Variants in PRKG1 observed in about 807,000 individuals in gnomAD.
PRKG1 encodes the protein protein kinase cGMP-dependent 1, also known as cGMP-dependent protein kinase 1.
Under a neutral mutation model 88.1 loss-of-function variants are expected in PRKG1, and 35 were observed. That is an observed-to-expected ratio of 0.40 (90% CI 0.30 to 0.53). PRKG1 has a LOEUF of 0.53. PRKG1 is among the 20% of genes least tolerant of loss of function. PRKG1 has a pLI of 0.59. For missense variants in PRKG1, 540 were observed against 839.8 expected (o/e 0.64, Z 4.41); for synonymous variants, 303 against 292.5 (o/e 1.04, Z -0.37).
intron 1 of PRKG1, among the ~76,000 whole-genome samples, chr10:51,061,432 C>A (rs1047392282): frequency 1.3e-5 from 2 of 152,174 alleles, no homozygotes; most frequent in Non-Finnish European, 2.9e-5. Flanking sequence ...GGTGGGAACT[C>A]AGCCAAACCA....
At chr10:51,430,325 G>C (rs532375023) in intron 2 of PRKG1, among the ~76,000 whole-genome samples, 1 of 152,242 alleles carries the variant, frequency 6.6e-6, no homozygotes, top group East Asian at 1.9e-4. Context: ...AGAGGCAGAG[G>C]TGGGAGGATT....
chr10:51,435,694 G>A (rs1425574999), intron 2 of PRKG1, among the ~76,000 whole-genome samples: 1 of 151,922 alleles, frequency 6.6e-6, no homozygotes, highest in East Asian at 1.9e-4. Context: ...ATGCTGTGCT[G>A]GGAGGTGGGA....
At chr10:51,955,311 T>C (rs938929369) in intron 5 of PRKG1, among the ~76,000 whole-genome samples, 10 of 152,092 alleles carry the variant, frequency 6.6e-5, no homozygotes, top group Non-Finnish European at 1.5e-4. Flanking sequence ...GTTAAGGTAC[T>C]ATAGGTTAAG....
At chr10:51,382,938 G>T (rs1837147942) in intron 2 of PRKG1, among the ~76,000 whole-genome samples, 1 of 152,076 alleles carries the variant, frequency 6.6e-6, no homozygotes, top group African/African-American at 2.4e-5. Context: ...GTAGGCTTAG[G>T]TAAATTTGTG....
At position 51,533,143 on chromosome 10, in the gene PRKG1, C is replaced by T. The variant is rs73339939; in HGVS notation, c.592+65307C>T. 5.2e-3 allele frequency among the ~76,000 whole-genome samples: 790 copies of T among 152,230 alleles called. 11 individuals are homozygous for T. Among genetic ancestry groups the T allele is most frequent in the African/African-American group, 0.018 (756 of 41,540 alleles). ...TACTTGAGTTAGCCTCAGTGGATTT[C>T]TATTTCTTGCAATGGAAAGTTAATC... On this transcript the variant is annotated intron_variant, in intron 3 of 17. Coordinates refer to ENST00000373980, the MANE Select transcript of PRKG1 (RefSeq NM_006258.4).
At chr10:51,128,945 C>T (rs1251722188) in intron 1 of PRKG1, among the ~76,000 whole-genome samples, 2 of 152,232 alleles carry the variant, frequency 1.3e-5, no homozygotes, top group Non-Finnish European at 2.9e-5. Flanking sequence ...TTTTTAGTTA[C>T]TTGTAATGAT....
Position 51,199,459 on chromosome 10 carries a change from CAG to C in PRKG1, c.478+46132_478+46133del, listed in dbSNP as rs145415966. On this transcript the variant is annotated intron_variant, in intron 2 of 17. Coordinates refer to ENST00000373980, the MANE Select transcript of PRKG1 (RefSeq NM_006258.4). ...ATTCAGATCCAGACTCTAGAAAATT[CAG>C]AGTCTGGAAAAGGAGACATGTATGA... Among the ~76,000 whole-genome samples the C allele has an allele frequency of 7.9e-5, 12 of 152,266 alleles. No individual in the cohort carries two copies. In the East Asian group the frequency reaches 2.1e-3, roughly 27 times the overall value.
chr10:51,944,713 T>C (rs932771730), intron 5 of PRKG1, among the ~76,000 whole-genome samples: 1 of 152,016 alleles, frequency 6.6e-6, no homozygotes, highest in Non-Finnish European at 1.5e-5. Context: ...TCGTTTTGTA[T>C]CCAGCAGTCA....
chr10:51,585,884 C>T (rs930737668), intron 3 of PRKG1, among the ~76,000 whole-genome samples: 15 of 152,132 alleles, frequency 9.9e-5, no homozygotes, highest in Middle Eastern at 3.4e-3. Flanking sequence ...AACCAAATAC[C>T]GCATGTTTTC....
In PRKG1 at chr10:51,247,364, C is replaced by T. The variant is rs1839318049; in HGVS notation, c.478+94034C>T. On this transcript the variant is annotated intron_variant, in intron 2 of 17. Transcript: ENST00000373980. ...AATTGTGCATCTGAAACTTAGATATCTATTTAAATCAGAAAATAAAGGAGA... is the reference window on the plus strand; with the variant it reads ...AATTGTGCATCTGAAACTTAGATATTTATTTAAATCAGAAAATAAAGGAGA... Among the ~76,000 whole-genome samples, 12 of 152,020 alleles carry T rather than the reference C, an allele frequency of 7.9e-5. No homozygotes were observed. The South Asian group carries it at 2.5e-3, about 32-fold the overall frequency.
rs1459909784 is a variant in PRKG1 at position 52,294,376 on chromosome 10, T to C, written c.*476T>C. The C allele has an allele frequency of 6.5e-6, 1 of 152,726 alleles. No individual in the cohort carries two copies. The highest frequency in any genetic ancestry group is 1.9e-4 in the East Asian group (1 of 5,210). 9.5% of individuals were successfully genotyped at this position (152,726 alleles called of 1,614,324 possible). Reference sequence around the variant, plus strand: ...ATCTATTACTGCAGGCCGGTGTATATACCATACAAAAGAGGACCACACATC... The same window carrying C: ...ATCTATTACTGCAGGCCGGTGTATACACCATACAAAAGAGGACCACACATC... On this transcript the variant is annotated 3_prime_UTR_variant, in exon 18 of 18. Transcript: ENST00000373980.
At chr10:51,276,124 C>A (rs575981341) in intron 2 of PRKG1, among the ~76,000 whole-genome samples, 5 of 152,172 alleles carry the variant, frequency 3.3e-5, no homozygotes, top group African/African-American at 9.6e-5. Flanking sequence ...CTCCCCCAAC[C>A]CCACGACAGG....
chr10:52,185,421 T>C (rs958998914), intron 9 of PRKG1, among the ~76,000 whole-genome samples: 1 of 152,144 alleles, frequency 6.6e-6, no homozygotes, highest in Non-Finnish European at 1.5e-5. Flanking sequence ...CCCTGTGGCT[T>C]TGCAGGGTGT....
intron 7 of PRKG1, among the ~76,000 whole-genome samples, chr10:52,101,661 T>C (rs565913429): frequency 3.9e-5 from 6 of 152,192 alleles, no homozygotes; most frequent in Non-Finnish European, 8.8e-5. Context: ...ATGAGGTAGA[T>C]GGTTATTTTA....
At chr10:51,188,341 C>A (rs1012214705) in intron 2 of PRKG1, among the ~76,000 whole-genome samples, 1 of 151,918 alleles carries the variant, frequency 6.6e-6, no homozygotes, top group Non-Finnish European at 1.5e-5. Context: ...TCTTGACAAA[C>A]AACTATATAC....
intron 2 of PRKG1, among the ~76,000 whole-genome samples, chr10:51,220,159 T>G (rs996005359): frequency 6.6e-6 from 1 of 152,068 alleles, no homozygotes; most frequent in Non-Finnish European, 1.5e-5. Context: ...TAAACAACCT[T>G]ACAGAGTTTG....
intron 1 of PRKG1, among the ~76,000 whole-genome samples, chr10:51,133,872 G>A (rs761562743): frequency 2.6e-5 from 4 of 152,094 alleles, no homozygotes; most frequent in African/African-American, 9.7e-5. Context: ...AATGGGAGAG[G>A]TGCCAGTACA....
In PRKG1 at chr10:52,211,624, T is replaced by G. The variant is rs1350880712; in HGVS notation, c.1077-39946T>G. 4.6e-5 allele frequency among the ~76,000 whole-genome samples: 7 copies of G among 151,712 alleles called. No homozygotes were observed. The East Asian group carries it at 1.4e-3, about 29-fold the overall frequency. On this transcript the variant is annotated intron_variant, in intron 9 of 17. Coordinates refer to ENST00000373980, the MANE Select transcript of PRKG1 (RefSeq NM_006258.4). ...AGAGAGACAGTTCTACTGAATTGTC[T>G]TTATTACAAATGTGGATATTAATTA... is the stretch of plus-strand genomic sequence containing the variant.
At chr10:52,084,131 A>G (rs928455952) in intron 7 of PRKG1, among the ~76,000 whole-genome samples, 2 of 152,036 alleles carry the variant, frequency 1.3e-5, no homozygotes, top group African/African-American at 4.8e-5. Context: ...CAACTTTACA[A>G]GGAGTTCATT....
Sources: gnomAD v4.1 joint callset for allele counts (sites outside exome capture counted in the v4.1 genomes callset) on GRCh38, gnomAD v4.1.1 for gene constraint, MANE v1.5 for transcripts, NCBI Gene and HGNC (gene_info 2026-07-23, HGNC 2026-07-21) for gene names.